BRWD1: variants seen among roughly 807,000 people sequenced by gnomAD.
BRWD1 encodes bromodomain and WD repeat-containing protein 1.
In BRWD1, 82 loss-of-function variants were observed where a neutral mutation model predicts 251.2. The ratio of observed to expected loss-of-function variants is 0.33; its 90% CI spans 0.27 to 0.39. The LOEUF (loss-of-function observed/expected upper bound fraction) is 0.39. Among genes scored for constraint, BRWD1 ranks in the 10% least tolerant of loss-of-function variants. BRWD1 has a pLI of 1.00. For synonymous variants in BRWD1, 918 were observed against 902.8 expected (o/e 1.02, Z -0.30); for missense variants, 2,233 against 2,711.6 (o/e 0.82, Z 3.92).
At position 39,190,898 on chromosome 21, in the gene BRWD1, C is replaced by A; in HGVS notation, c.*5361G>T. The A allele has an allele frequency of 1.0e-6, 1 of 985,324 alleles. No individual in the cohort carries two copies. Among genetic ancestry groups the A allele is most frequent in the Non-Finnish European group, 1.2e-6 (1 of 829,894 alleles). 61.0% of individuals were successfully genotyped at this position (985,324 alleles called of 1,614,324 possible). A position where few individuals can be genotyped will look rare whatever the true frequency, so the allele number is the denominator to read the frequency against. ...CATTTACTCAATGATGGGCACCACA[C>A]AACTCTGAATTTTTGTTCTTATTCT... On this transcript the variant is annotated 3_prime_UTR_variant, in exon 41 of 41. Coordinates refer to ENST00000342449, the MANE Select transcript of BRWD1 (RefSeq NM_033656.4).
intron 7 of BRWD1, among the ~76,000 whole-genome samples, chr21:39,295,467 G>A (rs544655021): frequency 7.2e-5 from 11 of 152,206 alleles, no homozygotes; most frequent in African/African-American, 1.7e-4. Flanking sequence ...GATTACAGGC[G>A]TGAGCCACCG....
chr21:39,236,746 G>A lies in BRWD1; in HGVS notation c.2615C>T (p.Ala872Val), dbSNP rs771878139. 2.1e-5 allele frequency: 34 copies of A among 1,613,790 alleles called. No individual in the cohort carries two copies. Among genetic ancestry groups the A allele is most frequent in the South Asian group, 1.1e-4 (10 of 91,006 alleles). ...SSRYSDWTAD[A>V]GINLQPPLRT... ...TAAAGGAGGCTGCAAATTGATGCCC[G>A]CATCAGCTGTCCAATCGGAATATCT... Residue 872 changes from alanine to valine, a missense_variant, in exon 23 of 41, where the codon GCG (alanine) becomes GTG (valine). Physicochemically the swap from Ala to Val is moderately conservative, Grantham distance 64. Coordinates refer to ENST00000342449, the MANE Select transcript of BRWD1 (RefSeq NM_033656.4).
intron 15 of BRWD1, among the ~76,000 whole-genome samples, chr21:39,266,422 T>C (rs1004232878): frequency 2.0e-5 from 3 of 152,168 alleles, no homozygotes; most frequent in African/African-American, 4.8e-5. Context: ...ATATGTACCA[T>C]TTTGCATCCC....
intron 20 of BRWD1, 150 bp downstream of exon 20, chr21:39,250,646 T>A: frequency 3.6e-6 from 2 of 550,540 alleles, no homozygotes; most frequent in Non-Finnish European, 6.2e-6. Flanking sequence ...TATATAACCT[T>A]AAGTCTACTA....
chr21:39,190,084 G>A lies in BRWD1; in HGVS notation c.*6175C>T. 1 of 985,324 alleles carries A rather than the reference G, an allele frequency of 1.0e-6. No individual in the cohort carries two copies. The highest frequency in any genetic ancestry group is 1.2e-6 in the Non-Finnish European group (1 of 829,872). The allele number at this position is 985,324 out of a possible 1,614,324, so 61.0% of individuals were successfully genotyped here. On this transcript the variant is annotated 3_prime_UTR_variant, in exon 41 of 41. Transcript: ENST00000342449. ...GCACTCCATGATCATTTCCCTGGATGACCACTTTAAATTATAACTCACAGA... is the reference window on the plus strand; with the variant it reads ...GCACTCCATGATCATTTCCCTGGATAACCACTTTAAATTATAACTCACAGA...
chr21:39,316,862 G>A (rs1044783809), upstream of BRWD1, among the ~76,000 whole-genome samples: 6 of 74,376 alleles, frequency 8.1e-5, no homozygotes, highest in South Asian at 3.2e-4. Flanking sequence ...GGCTAGAGCC[G>A]GGGGGGATTG....
chr21:39,216,165 TA>T (rs1315796923), intron 31 of BRWD1, among the ~76,000 whole-genome samples: 1 of 152,132 alleles, frequency 6.6e-6, no homozygotes, highest in African/African-American at 2.4e-5. Flanking sequence ...AGTTGAATTA[TA>T]AAAGTTAAAA....
chr21:39,259,364 T>C (rs1466424199), intron 17 of BRWD1, among the ~76,000 whole-genome samples: 1 of 152,114 alleles, frequency 6.6e-6, no homozygotes, highest in African/African-American at 2.4e-5. Flanking sequence ...GATCTTGGCT[T>C]ACTGCAAGCT....
rs1207332093 is a variant in BRWD1, at chr21:39,187,464, C to T, written c.*8795G>A. ...ATGTAAATGCAAAAATCTTGTAACACAAGATTTTACTACTGCTAACATTCC... is the reference window on the plus strand; with the variant it reads ...ATGTAAATGCAAAAATCTTGTAACATAAGATTTTACTACTGCTAACATTCC... On this transcript the variant is annotated 3_prime_UTR_variant, in exon 41 of 41. Coordinates refer to ENST00000342449, the MANE Select transcript of BRWD1 (RefSeq NM_033656.4). 1 of 1,509,374 alleles carries T rather than the reference C, an allele frequency of 6.6e-7. No homozygotes were observed. The highest frequency in any genetic ancestry group is 1.4e-5 in the South Asian group (1 of 72,962). 93.5% of individuals were successfully genotyped at this position (1,509,374 alleles called of 1,614,324 possible).
At chr21:39,271,850 C>T (rs1223628484) in intron 13 of BRWD1, among the ~76,000 whole-genome samples, 2 of 151,420 alleles carry the variant, frequency 1.3e-5, no homozygotes, top group Admixed American at 6.6e-5. Context: ...ACCAACCTGG[C>T]CAACAGGATG....
At chr21:39,249,352 A>C (rs956099322) in intron 20 of BRWD1, among the ~76,000 whole-genome samples, 3 of 152,176 alleles carry the variant, frequency 2.0e-5, no homozygotes, top group Non-Finnish European at 2.9e-5. Context: ...CTGAAGCTAA[A>C]AGTTTTCTTT....
intron 3 of BRWD1, 70 bp downstream of exon 3, chr21:39,313,002 G>T (rs1259358226): frequency 3.4e-6 from 4 of 1,163,812 alleles, no homozygotes; most frequent in South Asian, 4.2e-5. Flanking sequence ...CGGGGGGCGC[G>T]GGCGAGCATC....
Position 39,191,611 on chromosome 21 carries a change from G to A in BRWD1, c.*4648C>T, listed in dbSNP as rs1282862288. ...GGTGAATATATAGTTGCAGTCCAAG[G>A]ACTGATTCACATTTAGAAAATTAAC... On this transcript the variant is annotated 3_prime_UTR_variant, in exon 41 of 41. Transcript: ENST00000342449. 1 of 984,636 alleles carries A rather than the reference G, an allele frequency of 1.0e-6. No individual in the cohort carries two copies. Among genetic ancestry groups the A allele is most frequent in the Non-Finnish European group, 1.2e-6 (1 of 829,492 alleles). The allele number at this position is 984,636 out of a possible 1,614,324, so 61.0% of individuals were successfully genotyped here.
Position 39,202,488 on chromosome 21 carries a change from A to G in BRWD1, c.4422T>C (p.Gly1474=), listed in dbSNP as rs199858117. Reference sequence around the variant, plus strand: ...TACTTGAGGTAGACTGGGTAGGAGAACCTACCAACTCAGGAATTATTTTTG... The same window carrying G: ...TACTTGAGGTAGACTGGGTAGGAGAGCCTACCAACTCAGGAATTATTTTTG... ...SQTKIIPELV[G]SPTQSTSSRT... Residue 1474 remains glycine, a synonymous_variant, in exon 38 of 41, where the codon GGT becomes GGC. Coordinates refer to ENST00000342449, the MANE Select transcript of BRWD1 (RefSeq NM_033656.4). The G allele has an allele frequency of 6.8e-6, 11 of 1,613,902 alleles. No homozygotes were observed. The African/African-American group carries it at 1.2e-4, about 18-fold the overall frequency.
intron 17 of BRWD1, among the ~76,000 whole-genome samples, chr21:39,260,454 T>A (rs2034705691): frequency 6.6e-6 from 1 of 152,220 alleles, no homozygotes; most frequent in South Asian, 2.1e-4. Flanking sequence ...TTTTCTTTCA[T>A]AGCACAGAAC....
intron 8 of BRWD1, among the ~76,000 whole-genome samples, chr21:39,291,351 T>A (rs764305258): frequency 1.3e-5 from 2 of 152,184 alleles, no homozygotes; most frequent in Non-Finnish European, 2.9e-5. Flanking sequence ...TTTAAAAGCC[T>A]TATAAATCAA....
At position 39,274,396 on chromosome 21, in the gene BRWD1, C is replaced by T. The variant is rs1249557621; in HGVS notation, c.1222G>A (p.Asp408Asn). ...EQLEWRSILL[D>N]MATRISGDLS... ...TACCCTGAGATTCTGGTAGCCATATCCAATAAAATGCTCCTCCATTCTAAC... is the reference window on the plus strand; with the variant it reads ...TACCCTGAGATTCTGGTAGCCATATTCAATAAAATGCTCCTCCATTCTAAC... The change falls in exon 13 of 41, where the codon GAT (aspartate) becomes AAT (asparagine). Residue 408 changes from aspartate to asparagine, a missense_variant. Physicochemically the swap from Asp to Asn is conservative, Grantham distance 23. Around this residue, in one of 12 missense-constraint regions of BRWD1, gnomAD observed 315 missense variants for 421.8 expected, o/e 0.75. Coordinates refer to ENST00000342449, the MANE Select transcript of BRWD1 (RefSeq NM_033656.4). 3 of 1,613,718 alleles carry T rather than the reference C, an allele frequency of 1.9e-6. No individual in the cohort carries two copies. In the South Asian group the frequency reaches 3.3e-5, roughly 18 times the overall value.
rs1321973964 is a variant in BRWD1, at chr21:39,280,156, T to G, written c.924A>C (p.Leu308Phe). The G allele has an allele frequency of 6.3e-7, 1 of 1,591,966 alleles. No individual in the cohort carries two copies. Among genetic ancestry groups the G allele is most frequent in the African/African-American group, 1.4e-5 (1 of 73,390 alleles). The change falls in exon 9 of 41, where the codon TTA (leucine) becomes TTC (phenylalanine). Residue 308 changes from leucine to phenylalanine, a missense_variant. Physicochemically the swap from Leu to Phe is conservative, Grantham distance 22 (BLOSUM62 0). Transcript: ENST00000342449. Reference protein sequence around the residue: ...VCFWQWDLESLKFSPRPLKFT... With the variant: ...VCFWQWDLESFKFSPRPLKFT... ...TAATTAAAGCCACTTACCTAAATTT[T>G]AAGGATTCTAAATCCCATTGCCAAA...
chr21:39,293,890 A>T lies in BRWD1; in HGVS notation c.752T>A (p.Ile251Asn). Residue 251 changes from isoleucine to asparagine, a missense_variant, in exon 8 of 41, where the codon ATT becomes AAT. Ile to Asn is a moderately radical substitution (Grantham distance 149). Around this residue, in one of 12 missense-constraint regions of BRWD1, gnomAD observed 185 missense variants for 260.6 expected, o/e 0.71. Transcript: ENST00000342449. ...AGTTCTCAAGCACCACACTCTAATAATTTTATCACAGCTCCCCGCAGCAAT... is the reference window on the plus strand; with the variant it reads ...AGTTCTCAAGCACCACACTCTAATATTTTTATCACAGCTCCCCGCAGCAAT... ...TMIAAGSCDK[I>N]IRVWCLRTCA... 6.2e-7 allele frequency: 1 copy of T among 1,614,170 alleles called. No individual in the cohort carries two copies. The highest frequency in any genetic ancestry group is 8.5e-7 in the Non-Finnish European group (1 of 1,180,038).
Sources: allele counts gnomAD v4.1 joint callset (sites outside exome capture counted in the v4.1 genomes callset), GRCh38; gene constraint gnomAD v4.1.1; regional missense constraint gnomAD v4.1.1; transcripts MANE v1.5; gene names NCBI Gene and HGNC (gene_info 2026-07-23, HGNC 2026-07-21).